The following TNFSF8 variants were observed in gnomAD, a reference collection of about 807,000 sequenced individuals.
The protein encoded by TNFSF8 is tumor necrosis factor ligand superfamily member 8.
TNFSF8 carries 4 observed loss-of-function variants against 22.0 expected under a neutral mutation model. The observed-to-expected ratio is 0.18, with a 90% CI of 0.09 to 0.42. The LOEUF (loss-of-function observed/expected upper bound fraction) is 0.42. Ranked by LOEUF, TNFSF8 falls within the 10% of genes least tolerant of loss-of-function variation. The pLI is 1.00. For missense variants in TNFSF8, 233 were observed against 281.8 expected (o/e 0.83, Z 1.24); for synonymous variants, 106 against 112.5 (o/e 0.94, Z 0.37).
intron 3 of TNFSF8, 41 bp from the exon 4 acceptor site, chr9:114,904,366 T>C (rs1052977585): frequency 6.5e-7 from 1 of 1,547,368 alleles, no homozygotes; most frequent in Admixed American, 2.0e-5. Context: ...TTGAGAAGAT[T>C]GTAGGTACGC....
chr9:114,901,837 G>A lies in TNFSF8; in HGVS notation c.*2094C>T. ...TAGGAGGAGGTTGACACAGCACACT[G>A]CTCAGCAGATGACTTAAAATTTTCC... On this transcript the variant is annotated 3_prime_UTR_variant, in exon 4 of 4. Transcript: ENST00000223795. The A allele has an allele frequency of 2.1e-6, 2 of 947,596 alleles. No homozygotes were observed. Among genetic ancestry groups the A allele is most frequent in the Non-Finnish European group, 2.5e-6 (2 of 795,558 alleles). 58.7% of individuals were successfully genotyped at this position (947,596 alleles called of 1,614,324 possible).
chr9:114,919,403 G>T (rs1827960725), intron 1 of TNFSF8, among the ~76,000 whole-genome samples: 1 of 152,114 alleles, frequency 6.6e-6, no homozygotes, highest in Admixed American at 6.5e-5. Context: ...CTAAAGGGAG[G>T]TTCTAGTTCA....
intron 2 of TNFSF8, among the ~76,000 whole-genome samples, chr9:114,915,555 G>A (rs961851705): frequency 6.6e-6 from 1 of 152,172 alleles, no homozygotes; most frequent in African/African-American, 2.4e-5. Context: ...GGTGGAAGCC[G>A]GTCATGCAGG....
chr9:114,909,621 C>T (rs1827828518), intron 2 of TNFSF8, among the ~76,000 whole-genome samples: 1 of 152,206 alleles, frequency 6.6e-6, no homozygotes, highest in East Asian at 1.9e-4. Context: ...TAGCTTATTT[C>T]AGCAGGCTGT....
intron 2 of TNFSF8, among the ~76,000 whole-genome samples, chr9:114,917,818 A>C (rs375156807): frequency 5.3e-5 from 8 of 152,318 alleles, no homozygotes; most frequent in African/African-American, 1.4e-4. Context: ...CAAGCATTTA[A>C]CACAACACTG....
At chr9:114,910,723 G>A (rs1827842522) in intron 2 of TNFSF8, among the ~76,000 whole-genome samples, 1 of 152,192 alleles carries the variant, frequency 6.6e-6, no homozygotes, top group Non-Finnish European at 1.5e-5. Flanking sequence ...ACATAAAGAT[G>A]CAAATATGCT....
chr9:114,925,975 G>A (rs1828052843), intron 1 of TNFSF8, among the ~76,000 whole-genome samples: 1 of 151,462 alleles, frequency 6.6e-6, no homozygotes, highest in East Asian at 2.0e-4. Flanking sequence ...CCTGTCTCTT[G>A]AGGAGATAAG....
chr9:114,902,565 T>C lies in TNFSF8; in HGVS notation c.*1366A>G. On this transcript the variant is annotated 3_prime_UTR_variant, in exon 4 of 4. Transcript: ENST00000223795. ...GTGGTAGTTCTTTCCATTACATCCT[T>C]GAGATCCTGCTGTTCACACCATTCA... is the stretch of plus-strand genomic sequence containing the variant. 1.0e-6 allele frequency: 1 copy of C among 983,732 alleles called. No homozygotes were observed. The highest frequency in any genetic ancestry group is 1.2e-6 in the Non-Finnish European group (1 of 828,442). 60.9% of individuals were successfully genotyped at this position (983,732 alleles called of 1,614,324 possible). A position where few individuals can be genotyped will look rare whatever the true frequency, so the allele number is the denominator to read the frequency against.
In TNFSF8 at chr9:114,921,338, G is replaced by A. The variant is rs574099214; in HGVS notation, c.196-3200C>T. On this transcript the variant is annotated intron_variant, in intron 1 of 3. Transcript: ENST00000223795. ...AGACAATCAAAGCCAGAGGGAGATT[G>A]AGACATCTTTCAGTCCATCAAGCTA... is the stretch of plus-strand genomic sequence containing the variant. 2.6e-5 allele frequency among the ~76,000 whole-genome samples: 4 copies of A among 152,296 alleles called. No individual in the cohort carries two copies. In the South Asian group the frequency reaches 6.2e-4, roughly 24 times the overall value.
chr9:114,918,702 G>A (rs1302908601), intron 1 of TNFSF8, among the ~76,000 whole-genome samples: 1 of 152,188 alleles, frequency 6.6e-6, no homozygotes, highest in Non-Finnish European at 1.5e-5. Flanking sequence ...CCCAGTTCAG[G>A]TGATTCTCCT....
At position 114,903,844 on chromosome 9, in the gene TNFSF8, A is replaced by C; in HGVS notation, c.*87T>G. ...TACCCTGTGTAGTTTGTCTTGGTCT[A>C]AAGTTTTCTTTTTGCCCAAGTGTTT... is the stretch of plus-strand genomic sequence containing the variant. On this transcript the variant is annotated 3_prime_UTR_variant, in exon 4 of 4. Transcript: ENST00000223795. 1 of 1,518,170 alleles carries C rather than the reference A, an allele frequency of 6.6e-7. No homozygotes were observed. The highest frequency in any genetic ancestry group is 8.8e-7 in the Non-Finnish European group (1 of 1,139,404). 94.0% of individuals were successfully genotyped at this position (1,518,170 alleles called of 1,614,324 possible).
chr9:114,921,598 G>A (rs1288497894), intron 1 of TNFSF8, among the ~76,000 whole-genome samples: 3 of 152,214 alleles, frequency 2.0e-5, no homozygotes, highest in African/African-American at 7.2e-5. Flanking sequence ...TTCATAAACA[G>A]GTATTACACT....
At chr9:114,907,203 CG>C (rs1417770681) in intron 2 of TNFSF8, among the ~76,000 whole-genome samples, 2 of 152,092 alleles carry the variant, frequency 1.3e-5, no homozygotes, top group Non-Finnish European at 2.9e-5. Flanking sequence ...AGAGGCACTC[CG>C]GGCAGAAGCA....
exon 5 of TNFSF8, chr9:114,894,010 C>G: frequency 7.5e-7 from 1 of 1,330,256 alleles, no homozygotes; most frequent in Non-Finnish European, 1.0e-6. Context: ...AAGTTCATGA[C>G]TTTCCACTTA....
chr9:114,923,013 G>A lies in TNFSF8; in HGVS notation c.196-4875C>T, dbSNP rs72756579. Among the ~76,000 whole-genome samples the A allele has an allele frequency of 4.4e-3, 671 of 152,206 alleles. 1 individual carries two copies. The highest frequency in any genetic ancestry group is 8.0e-3 in the Non-Finnish European group (546 of 68,022). ...CTGAGGTCTTGAGAGATGGCTGTAG[G>A]AGGCTGAGTATAGATTTGGGCTCAG... On this transcript the variant is annotated intron_variant, in intron 1 of 3. Coordinates refer to ENST00000223795, the MANE Select transcript of TNFSF8 (RefSeq NM_001244.4).
At chr9:114,904,459 C>A in intron 3 of TNFSF8, 134 bp from the exon 4 acceptor site, 1 of 1,272,964 alleles carries the variant, frequency 7.9e-7, no homozygotes, top group East Asian at 2.4e-5. Flanking sequence ...TGAATATCTT[C>A]CATGTTACTC....
intron 4 of TNFSF8, among the ~76,000 whole-genome samples, chr9:114,895,649 A>G (rs1340599260): frequency 1.3e-5 from 2 of 152,190 alleles, no homozygotes; most frequent in Admixed American, 6.5e-5. Flanking sequence ...AGCTTATTCT[A>G]TGTGTTTGTT....
At chr9:114,921,129 G>A (rs1452363844) in intron 1 of TNFSF8, among the ~76,000 whole-genome samples, 1 of 152,156 alleles carries the variant, frequency 6.6e-6, no homozygotes, top group African/African-American at 2.4e-5. Context: ...AATGCATTCT[G>A]GTTTCCTAAT....
exon 5 of TNFSF8, chr9:114,893,943 G>C (rs1043600898): frequency 1.3e-5 from 9 of 681,126 alleles, no homozygotes; most frequent in Non-Finnish European, 2.3e-5. Flanking sequence ...TTCTGTTTGT[G>C]GGGGGTGAAC....
Sources: gnomAD v4.1 joint callset for allele counts (sites outside exome capture counted in the v4.1 genomes callset) on GRCh38, gnomAD v4.1.1 for gene constraint, MANE v1.5 for transcripts, NCBI Gene and HGNC (gene_info 2026-07-23, HGNC 2026-07-21) for gene names.